ENOX1: variants seen among roughly 807,000 people sequenced by gnomAD.
ENOX1 encodes the protein candidate growth-related and time keeping constitutive hydroquinone (NADH) oxidase.
In ENOX1, 42 loss-of-function variants were observed where a neutral mutation model predicts 82.5. The ratio of observed to expected loss-of-function variants is 0.51; its 90% CI spans 0.40 to 0.66. The LOEUF is 0.66. ENOX1 is among the 30% of genes least tolerant of loss of function. The pLI, the probability that ENOX1 is intolerant of heterozygous loss-of-function variation, is 0.00. For missense variants in ENOX1, 608 were observed against 811.6 expected, an observed-to-expected ratio of 0.75 and a Z score of 3.05; for synonymous variants, 271 against 282.2, an observed-to-expected ratio of 0.96 and a Z score of 0.40.
chr13:43,350,538 T>C (rs534830153), intron 8 of ENOX1, among the ~76,000 whole-genome samples: 382 of 152,296 alleles, frequency 2.5e-3, no homozygotes, highest in African/African-American at 8.5e-3. Flanking sequence ...CTCCACCTCC[T>C]GGGTTCAAGT....
At chr13:43,306,409 G>T (rs1001155012) in intron 11 of ENOX1, among the ~76,000 whole-genome samples, 1 of 152,040 alleles carries the variant, frequency 6.6e-6, no homozygotes, top group Non-Finnish European at 1.5e-5. Context: ...AGATTATAGG[G>T]CCATTTAAAA....
chr13:43,695,951 C>G (rs1353336322), intron 1 of ENOX1, among the ~76,000 whole-genome samples: 4 of 152,116 alleles, frequency 2.6e-5, no homozygotes, highest in Admixed American at 2.6e-4. Context: ...ACTCCCCATC[C>G]CCCCACTACA....
chr13:43,521,311 A>T (rs981416177), intron 2 of ENOX1, among the ~76,000 whole-genome samples: 9 of 152,144 alleles, frequency 5.9e-5, no homozygotes, highest in African/African-American at 2.2e-4. Context: ...CCACCATAAG[A>T]TGTATCTGGG....
chr13:43,516,084 C>G (rs554951532), intron 2 of ENOX1, among the ~76,000 whole-genome samples: 2 of 152,258 alleles, frequency 1.3e-5, no homozygotes, highest in African/African-American at 4.8e-5. Flanking sequence ...AAGTATCTAG[C>G]AGTCAGCGGG....
chr13:43,220,557 C>G (rs1256399139), intron 16 of ENOX1, among the ~76,000 whole-genome samples: 1 of 152,196 alleles, frequency 6.6e-6, no homozygotes, highest in Non-Finnish European at 1.5e-5. Context: ...CTGTTCTTCT[C>G]TGGTCCCTAA....
At chr13:43,391,683 A>G (rs985036424) in intron 5 of ENOX1, among the ~76,000 whole-genome samples, 5 of 152,134 alleles carry the variant, frequency 3.3e-5, no homozygotes, top group African/African-American at 1.2e-4. Context: ...ACAAAAGCTT[A>G]TTCCAATTTG....
intron 8 of ENOX1, among the ~76,000 whole-genome samples, chr13:43,353,056 T>C (rs1196592551): frequency 6.6e-6 from 1 of 152,160 alleles, no homozygotes; most frequent in Non-Finnish European, 1.5e-5. Context: ...GCGCCAGTCA[T>C]ATGGTAAAAT....
At chr13:43,610,211 A>T (rs1168062112) in intron 2 of ENOX1, among the ~76,000 whole-genome samples, 13 of 152,206 alleles carry the variant, frequency 8.5e-5, no homozygotes, top group Admixed American at 8.5e-4. Flanking sequence ...TGCTCTTGGC[A>T]TTTATGTAAT....
chr13:43,764,433 G>A (rs534050137), intron 1 of ENOX1, among the ~76,000 whole-genome samples: 6 of 152,160 alleles, frequency 3.9e-5, no homozygotes, highest in Non-Finnish European at 5.9e-5. Flanking sequence ...GGATAATTAT[G>A]ATGGAAACAC....
intron 1 of ENOX1, among the ~76,000 whole-genome samples, chr13:43,721,736 T>C (rs962253772): frequency 6.6e-6 from 1 of 152,076 alleles, no homozygotes; most frequent in African/African-American, 2.4e-5. Context: ...GGGCCCCACA[T>C]TTTCATTTTG....
At chr13:43,716,993 T>G (rs1356445808) in intron 1 of ENOX1, among the ~76,000 whole-genome samples, 1 of 152,146 alleles carries the variant, frequency 6.6e-6, no homozygotes, top group Non-Finnish European at 1.5e-5. Context: ...TTCAGTGCTA[T>G]CCCTATCAAA....
intron 2 of ENOX1, among the ~76,000 whole-genome samples, chr13:43,655,487 C>T (rs2084387827): frequency 6.6e-6 from 1 of 152,160 alleles, no homozygotes; most frequent in South Asian, 2.1e-4. Context: ...AATTCCTTCT[C>T]CTTCTCACTC....
chr13:43,623,017 T>A (rs1338576346), intron 2 of ENOX1, among the ~76,000 whole-genome samples: 1 of 152,042 alleles, frequency 6.6e-6, no homozygotes, highest in African/African-American at 2.4e-5. Context: ...TGCTGAGTCA[T>A]TGCAGGTTGT....
At chr13:43,381,529 A>G (rs923479225) in intron 5 of ENOX1, among the ~76,000 whole-genome samples, 3 of 151,506 alleles carry the variant, frequency 2.0e-5, no homozygotes, top group Non-Finnish European at 4.4e-5. Flanking sequence ...AGCAGAAAAA[A>G]AAATTAAGAA....
Position 43,412,870 on chromosome 13 carries a change from C to T in ENOX1, c.45G>A (p.Gln15=), listed in dbSNP as rs1026676181. 1.2e-6 allele frequency: 2 copies of T among 1,614,100 alleles called. No individual in the cohort carries two copies. Among genetic ancestry groups the T allele is most frequent in the Non-Finnish European group, 8.5e-7 (1 of 1,180,010 alleles). ...CTGCAGCCATCATCTGAGGAAGCTCCTGGGGAAGCTGGGTGATGTTCTCAA... is the reference window on the plus strand; with the variant it reads ...CTGCAGCCATCATCTGAGGAAGCTCTTGGGGAAGCTGGGTGATGTTCTCAA... ...GGVENITQLP[Q]ELPQMMAAAA... is the part of the protein sequence containing the mutation. Residue 15 remains glutamine, a synonymous_variant, in exon 4 of 17, where the codon CAG becomes CAA. Transcript: ENST00000690772.
At chr13:43,575,226 T>C (rs970554978) in intron 2 of ENOX1, among the ~76,000 whole-genome samples, 1 of 152,200 alleles carries the variant, frequency 6.6e-6, no homozygotes, top group African/African-American at 2.4e-5. Context: ...ACTTTCTCAA[T>C]TGATGGCATA....
chr13:43,653,248 G>A (rs540052963), intron 2 of ENOX1, among the ~76,000 whole-genome samples: 1 of 152,292 alleles, frequency 6.6e-6, no homozygotes, highest in South Asian at 2.1e-4. Flanking sequence ...ATTGTTAATG[G>A]AAACAAACAT....
In ENOX1 at chr13:43,578,137, G is replaced by A. The variant is rs74839125; in HGVS notation, c.-219+89342C>T. ...ACGACACACGACAGCCATTTGAAAC[G>A]ATCTGGCTTCTAATAAAAATAAGAC... On this transcript the variant is annotated intron_variant, in intron 2 of 16. Transcript: ENST00000690772. 3.2e-3 allele frequency among the ~76,000 whole-genome samples: 490 copies of A among 152,218 alleles called. 1 individual carries two copies. Among genetic ancestry groups the A allele is most frequent in the Non-Finnish European group, 5.8e-3 (393 of 68,008 alleles).
At position 43,485,729 on chromosome 13, in the gene ENOX1, A is replaced by G. The variant is rs117856498; in HGVS notation, c.-218-1577T>C. ...TGAGAGGAATGTGAAATGAATAGCA[A>G]CTCTTCTTAAAACCTCATACACTAG... On this transcript the variant is annotated intron_variant, in intron 2 of 16. Transcript: ENST00000690772. 7.9e-5 allele frequency among the ~76,000 whole-genome samples: 12 copies of G among 152,198 alleles called. No homozygotes were observed. The East Asian group carries it at 2.3e-3, about 29-fold the overall frequency.
Sources: gnomAD v4.1 joint callset for allele counts (sites outside exome capture counted in the v4.1 genomes callset) on GRCh38, gnomAD v4.1.1 for gene constraint, MANE v1.5 for transcripts, NCBI Gene and HGNC (gene_info 2026-07-23, HGNC 2026-07-21) for gene names.